Variants in STARD9 observed in about 807,000 individuals in gnomAD.
STARD9 encodes StAR related lipid transfer domain containing 9.
STARD9 carries 346 observed loss-of-function variants against 399.8 expected under a neutral mutation model. The observed-to-expected ratio is 0.87, with a 90% CI of 0.79 to 0.95. The LOEUF is 0.95. Among genes scored for constraint, STARD9 ranks in the 40% least tolerant of loss-of-function variants. The probability of loss-of-function intolerance (pLI) is 0.00; values close to 1 mark genes in which losing one functional copy is unlikely to be tolerated. For synonymous variants in STARD9, 2,203 were observed against 2,143.5 expected, an observed-to-expected ratio of 1.03 and a Z score of -0.77; for missense variants, 5,832 against 5,667.5, an observed-to-expected ratio of 1.03 and a Z score of -0.93.
rs767386789 is a variant in STARD9 at position 42,681,447 on chromosome 15, G to A, written c.1900G>A (p.Glu634Lys). Residue 634 changes from glutamate to lysine, a missense_variant, in exon 21 of 33, where the codon GAG (glutamate) becomes AAG (lysine). This residue lies in a region of STARD9 where 5,828 missense variants were observed against 5,651.1 expected (regional missense o/e 1.03). Transcript: ENST00000290607. ...ERRALEEQCD[E>K]DHQTPRDGET... is the part of the protein sequence containing the mutation. ...GAGAGCGCTTGAAGAGCAATGTGAC[G>A]AGGACCATCAGACACCGAGGGATGG... 5.9e-6 allele frequency: 9 copies of A among 1,536,892 alleles called. No individual in the cohort carries two copies. Among genetic ancestry groups the A allele is most frequent in the South Asian group, 2.4e-5 (2 of 83,990 alleles).
At chr15:42,597,757 G>A (rs184997894) in intron 3 of STARD9, among the ~76,000 whole-genome samples, 34 of 152,054 alleles carry the variant, frequency 2.2e-4, no homozygotes, top group Admixed American at 5.9e-4. Context: ...GGCTGGTCTC[G>A]AACTCCTGAC....
At chr15:42,636,522 G>C (rs549728335) in intron 4 of STARD9, among the ~76,000 whole-genome samples, 1 of 152,058 alleles carries the variant, frequency 6.6e-6, no homozygotes. Flanking sequence ...GAGAGGTTGC[G>C]GTGAGCTGAG....
intron 3 of STARD9, among the ~76,000 whole-genome samples, chr15:42,589,889 G>A (rs1194584334): frequency 1.3e-5 from 2 of 150,610 alleles, no homozygotes; most frequent in East Asian, 3.9e-4. Flanking sequence ...ACAGGCGTGA[G>A]CCACCACACC....
chr15:42,717,059 G>C lies in STARD9; in HGVS notation c.13494+11G>C, dbSNP rs1256283112. 1 of 1,536,960 alleles carries C rather than the reference G, an allele frequency of 6.5e-7. No individual in the cohort carries two copies. The highest frequency in any genetic ancestry group is 1.4e-5 in the African/African-American group (1 of 73,032). ...ACTTCTATGGCTGATGTGAGTAACTGCTCCCACCCATCCCTACCATTCCTT... is the reference window on the plus strand; with the variant it reads ...ACTTCTATGGCTGATGTGAGTAACTCCTCCCACCCATCCCTACCATTCCTT... On this transcript the variant is annotated intron_variant, in intron 28 of 32. Transcript: ENST00000290607.
chr15:42,683,694 C>G (rs749595421), intron 22 of STARD9, among the ~76,000 whole-genome samples: 1 of 152,076 alleles, frequency 6.6e-6, no homozygotes, highest in Non-Finnish European at 1.5e-5. Flanking sequence ...TGTTGTTTCT[C>G]AGGTTTCTTT....
chr15:42,707,352 C>T (rs1347715801), intron 26 of STARD9, among the ~76,000 whole-genome samples: 1 of 152,130 alleles, frequency 6.6e-6, no homozygotes, highest in Non-Finnish European at 1.5e-5. Flanking sequence ...ATTCGCAAAT[C>T]CATCACTGAG....
In STARD9 at chr15:42,689,845, C is replaced by T; in HGVS notation, c.8267C>T (p.Thr2756Ile). The change falls in exon 23 of 33, where the codon ACT (threonine) becomes ATT (isoleucine). Residue 2756 changes from threonine to isoleucine, a missense_variant. Transcript: ENST00000290607. The stretch of plus-strand genomic sequence containing the variant: ...GCCCCTTATGATGATCCTAGAGTGA[C>T]TCTGCATGAGCTAAGTCAGTCAGTT... ...SQAPYDDPRV[T>I]LHELSQSVPQ... 5 of 1,537,382 alleles carry T rather than the reference C, an allele frequency of 3.3e-6. No individual in the cohort carries two copies. Among genetic ancestry groups the T allele is most frequent in the Non-Finnish European group, 4.4e-6 (5 of 1,146,954 alleles).
Position 42,634,988 on chromosome 15 carries a change from A to G in STARD9, c.351+16A>G. The G allele has an allele frequency of 2.1e-6, 3 of 1,402,022 alleles. No homozygotes were observed. The highest frequency in any genetic ancestry group is 2.9e-6 in the Non-Finnish European group (3 of 1,030,198). The allele number at this position is 1,402,022 out of a possible 1,614,324, so 86.8% of individuals were successfully genotyped here. ...GGGGACCCCAGTGAGTATTACAATG[A>G]TATATATTCCTAATGCCACAGCAAG... On this transcript the variant is annotated intron_variant, in intron 4 of 32. Transcript: ENST00000290607.
rs1356032372 is a variant in STARD9, at chr15:42,720,570, A to G, written c.*996A>G. The G allele has an allele frequency of 3.9e-5, 6 of 152,150 alleles. No homozygotes were observed. In the East Asian group the frequency reaches 1.2e-3, roughly 29 times the overall value. 9.4% of individuals were successfully genotyped at this position (152,150 alleles called of 1,614,324 possible). ...CCCACCTATCCTAGGATGGGGTGGG[A>G]TGGAGAGTGGGTTCAGTTTTCTTGT... On this transcript the variant is annotated 3_prime_UTR_variant, in exon 33 of 33. Coordinates refer to ENST00000290607, the MANE Select transcript of STARD9 (RefSeq NM_020759.3).
chr15:42,630,029 A>T, intron 3 of STARD9: 1 of 120,666 alleles, frequency 8.3e-6, no homozygotes. Flanking sequence ...TGTGAGACTG[A>T]GTCTCACTCT....
chr15:42,607,022 A>G (rs1400637313), intron 3 of STARD9, among the ~76,000 whole-genome samples: 1 of 151,676 alleles, frequency 6.6e-6, no homozygotes, highest in Admixed American at 6.6e-5. Flanking sequence ...ATCATAGCTC[A>G]CTGCAGCCTC....
At chr15:42,598,114 C>CT (rs1309574764) in intron 3 of STARD9, among the ~76,000 whole-genome samples, 1 of 151,400 alleles carries the variant, frequency 6.6e-6, no homozygotes, top group Non-Finnish European at 1.5e-5. Context: ...TCACTGCAAG[C>CT]TCCACCTTCC....
chr15:42,652,436 C>T, intron 8 of STARD9, 84 bp from the exon 9 acceptor site: 1 of 1,154,444 alleles, frequency 8.7e-7, no homozygotes, highest in Non-Finnish European at 1.3e-6. Flanking sequence ...TCAGCACTAA[C>T]ATTTCTTGTA....
In STARD9 at chr15:42,682,398, G is replaced by A. The variant is rs763739312; in HGVS notation, c.2360G>A (p.Arg787Lys). 28 of 1,537,128 alleles carry A rather than the reference G, an allele frequency of 1.8e-5. No individual in the cohort carries two copies. The African/African-American group carries it at 2.9e-4, about 16-fold the overall frequency. ...CAGAGGCTGCTGGAGGCCCAGAAGA[G>A]ACTGGAGAAGCTCACGACATTGTGC... is the stretch of plus-strand genomic sequence containing the variant. ...KKQRLLEAQK[R>K]LEKLTTLCWL... Residue 787 changes from arginine (R) to lysine (K), a missense_variant, in exon 22 of 33, where the codon AGA becomes AAA. Coordinates refer to ENST00000290607, the MANE Select transcript of STARD9 (RefSeq NM_020759.3).
rs1020309473 is a variant in STARD9 at position 42,675,665 on chromosome 15, A to G, written c.1689A>G (p.Gly563=). The G allele has an allele frequency of 6.5e-7, 1 of 1,536,274 alleles. No homozygotes were observed. The highest frequency in any genetic ancestry group is 1.4e-5 in the African/African-American group (1 of 73,040). ...TTCTCATTTGTCTCTGTGCTGCAGG[A>G]GCTGTCATAACCCTGGGGAAGGCAC... is the stretch of plus-strand genomic sequence containing the variant. ...EVTASCRLTQ[G]AVITLGKAQK... is the part of the protein sequence containing the mutation. Residue 563 remains glycine, a splice_region_variant and synonymous_variant, in exon 19 of 33, where the codon GGA becomes GGG. Coordinates refer to ENST00000290607, the MANE Select transcript of STARD9 (RefSeq NM_020759.3).
In STARD9 at chr15:42,688,030, C is replaced by T. The variant is rs2060603907; in HGVS notation, c.6452C>T (p.Pro2151Leu). The T allele has an allele frequency of 6.5e-7, 1 of 1,537,528 alleles. No individual in the cohort carries two copies. Among genetic ancestry groups the T allele is most frequent in the East Asian group, 2.4e-5 (1 of 40,926 alleles). The change falls in exon 23 of 33, where the codon CCC becomes CTC. Residue 2151 changes from proline (P) to leucine (L), a missense_variant. Coordinates refer to ENST00000290607, the MANE Select transcript of STARD9 (RefSeq NM_020759.3). Reference sequence around the variant, plus strand: ...CAGGTCCAGAAAATCACCCCAAACCCCTTCAGGTCAAGGGAAGGTGTACGA... The same window carrying T: ...CAGGTCCAGAAAATCACCCCAAACCTCTTCAGGTCAAGGGAAGGTGTACGA... ...HPQVQKITPN[P>L]FRSREGVRES... is the part of the protein sequence containing the mutation.
intron 7 of STARD9, among the ~76,000 whole-genome samples, chr15:42,644,257 G>C (rs1365147000): frequency 6.6e-6 from 1 of 152,202 alleles, no homozygotes; most frequent in Non-Finnish European, 1.5e-5. Flanking sequence ...ACTTTGGGAG[G>C]CTGAGGCAGG....
intron 26 of STARD9, among the ~76,000 whole-genome samples, chr15:42,704,681 C>A (rs1051721081): frequency 6.6e-6 from 1 of 152,160 alleles, no homozygotes; most frequent in African/African-American, 2.4e-5. Flanking sequence ...TTCCCCACCT[C>A]GTGTGGTAAT....
At chr15:42,656,012 A>G (rs1166765261) in intron 9 of STARD9, among the ~76,000 whole-genome samples, 1 of 152,148 alleles carries the variant, frequency 6.6e-6, no homozygotes, top group Non-Finnish European at 1.5e-5. Context: ...ATGCAAATCA[A>G]AATCACAATG....
Sources: allele counts gnomAD v4.1 joint callset (sites outside exome capture counted in the v4.1 genomes callset), GRCh38; gene constraint gnomAD v4.1.1; regional missense constraint gnomAD v4.1.1; transcripts MANE v1.5; gene names NCBI Gene and HGNC (gene_info 2026-07-23, HGNC 2026-07-21).